Variants in LRBA observed in about 807,000 individuals in gnomAD.
The protein encoded by LRBA is LPS responsive beige-like anchor protein, also known as lipopolysaccharide-responsive and beige-like anchor protein.
LRBA carries 176 observed loss-of-function variants against 330.0 expected under a neutral mutation model. The ratio of observed to expected loss-of-function variants is 0.53; its 90% CI spans 0.47 to 0.60. The LOEUF is 0.60. Among genes scored for constraint, LRBA ranks in the 20% least tolerant of loss-of-function variants. The pLI is 0.00. For missense variants in LRBA, 3,259 were observed against 3,444.8 expected (o/e 0.95, Z 1.35); for synonymous variants, 1,230 against 1,193.0 (o/e 1.03, Z -0.64).
intron 43 of LRBA, among the ~76,000 whole-genome samples, chr4:150,470,840 T>TACACACACACACACAC (rs146604033): frequency 7.1e-6 from 1 of 140,554 alleles, no homozygotes; most frequent in African/African-American, 2.6e-5. Flanking sequence ...CCCTCATTAC[T>TACACACACACACACAC]ACACACACAC....
chr4:150,295,340 C>T (rs1351384788), intron 53 of LRBA, among the ~76,000 whole-genome samples: 1 of 151,760 alleles, frequency 6.6e-6, no homozygotes, highest in African/African-American at 2.4e-5. Flanking sequence ...GTAGCTGGGA[C>T]TACAGGCACC....
chr4:150,372,765 T>C (rs1269933385), intron 47 of LRBA, among the ~76,000 whole-genome samples: 1 of 144,448 alleles, frequency 6.9e-6, no homozygotes, highest in East Asian at 2.0e-4. Context: ...AAGTTCTTAC[T>C]AGATATTAGT....
chr4:150,771,209 G>C (rs1355007620), intron 34 of LRBA, among the ~76,000 whole-genome samples: 1 of 152,138 alleles, frequency 6.6e-6, no homozygotes, highest in African/African-American at 2.4e-5. Context: ...ATAACAAGTG[G>C]TAACACTCCC....
chr4:150,927,515 T>A (rs1015504269), intron 4 of LRBA, among the ~76,000 whole-genome samples: 73 of 151,474 alleles, frequency 4.8e-4, no homozygotes, highest in African/African-American at 1.8e-3. Flanking sequence ...CACAAAAAGA[T>A]TAAAAAAAGA....
chr4:150,586,598 C>T (rs1038620181), intron 40 of LRBA, among the ~76,000 whole-genome samples: 1 of 151,920 alleles, frequency 6.6e-6, no homozygotes, highest in Non-Finnish European at 1.5e-5. Context: ...TTCATTGAGC[C>T]AAAAGATCTC....
chr4:150,413,659 T>C (rs1250659499), intron 47 of LRBA, among the ~76,000 whole-genome samples: 2 of 152,198 alleles, frequency 1.3e-5, no homozygotes, highest in East Asian at 1.9e-4. Context: ...CCAAGGAAAC[T>C]TTTTGTACTC....
In LRBA at chr4:150,490,979, T is replaced by G. The variant is rs144748889; in HGVS notation, c.6387A>C (p.Ser2129=). ...GCAAAAGATAACGACGAGAAAAGAT[T>G]GATCGTATCTCTGTGAACAGCCATT... is the stretch of plus-strand genomic sequence containing the variant. The part of the protein sequence containing the change: ...HGKWLFTEIR[S]IFSRRYLLQN... The change falls in exon 41 of 57, where the codon TCA becomes TCC. Residue 2129 remains serine (S), a synonymous_variant. Coordinates refer to ENST00000651943, the MANE Select transcript of LRBA (RefSeq NM_001364905.1). 2.7e-4 allele frequency: 437 copies of G among 1,610,318 alleles called. No homozygotes were observed. In the African/African-American group the frequency reaches 3.3e-3, roughly 12 times the overall value.
At chr4:150,516,215 CTCTTTTTTTTTTTTTT>C (rs1762338832) in intron 40 of LRBA, among the ~76,000 whole-genome samples, 3 of 86,712 alleles carry the variant, frequency 3.5e-5, no homozygotes, top group Non-Finnish European at 4.4e-5. Flanking sequence ...ATTTTCTATT[CTCTTTTTTTTTTTTTT>C]TTTTTTTTTT....
At chr4:150,778,561 A>G (rs1428436447) in intron 34 of LRBA, among the ~76,000 whole-genome samples, 1 of 152,210 alleles carries the variant, frequency 6.6e-6, no homozygotes, top group Non-Finnish European at 1.5e-5. Context: ...ACATATCTCC[A>G]GACAATAATG....
At chr4:150,965,110 G>T (rs1307537301) in intron 2 of LRBA, among the ~76,000 whole-genome samples, 1 of 152,082 alleles carries the variant, frequency 6.6e-6, no homozygotes, top group East Asian at 1.9e-4. Flanking sequence ...TAAAACCTTT[G>T]ACCCAGCAAT....
intron 35 of LRBA, among the ~76,000 whole-genome samples, chr4:150,753,141 G>C (rs1733781337): frequency 6.6e-6 from 1 of 152,106 alleles, no homozygotes; most frequent in African/African-American, 2.4e-5. Flanking sequence ...ATTTAACACT[G>C]CAATGTCCTC....
At chr4:150,611,532 A>G (rs1349971724) in intron 37 of LRBA, among the ~76,000 whole-genome samples, 2 of 152,206 alleles carry the variant, frequency 1.3e-5, no homozygotes, top group Non-Finnish European at 2.9e-5. Flanking sequence ...AGATATAACT[A>G]TAAACAAAAA....
intron 17 of LRBA, among the ~76,000 whole-genome samples, chr4:150,883,970 A>G (rs1188425331): frequency 6.6e-6 from 1 of 152,202 alleles, no homozygotes; most frequent in Non-Finnish European, 1.5e-5. Context: ...AATAAAACCG[A>G]AAAAAATTTT....
At chr4:150,295,194 C>CTTTTTT (rs146893381) in intron 53 of LRBA, among the ~76,000 whole-genome samples, 2 of 113,826 alleles carry the variant, frequency 1.8e-5, no homozygotes, top group African/African-American at 7.0e-5. Context: ...ATTAAAATAG[C>CTTTTTT]TTTTTTTTTT....
At chr4:150,695,440 A>G (rs1303983645) in intron 36 of LRBA, among the ~76,000 whole-genome samples, 1 of 152,130 alleles carries the variant, frequency 6.6e-6, no homozygotes, top group Non-Finnish European at 1.5e-5. Context: ...CTCCCATTTC[A>G]GCCTCATGAG....
chr4:150,649,221 G>C (rs1054775315), intron 37 of LRBA, among the ~76,000 whole-genome samples: 1 of 152,102 alleles, frequency 6.6e-6, no homozygotes, highest in Non-Finnish European at 1.5e-5. Flanking sequence ...CTGAAACATA[G>C]TTCTTAAACT....
intron 2 of LRBA, among the ~76,000 whole-genome samples, chr4:150,953,693 G>A (rs987003606): frequency 2.0e-5 from 3 of 151,972 alleles, no homozygotes; most frequent in Non-Finnish European, 2.9e-5. Flanking sequence ...GAGTGCAGTG[G>A]TGTGATCTCG....
chr4:150,285,158 CAG>C (rs1433408456), intron 54 of LRBA, among the ~76,000 whole-genome samples: 1 of 152,156 alleles, frequency 6.6e-6, no homozygotes, highest in Non-Finnish European at 1.5e-5. Flanking sequence ...TTTTAGGACA[CAG>C]AGGAGCTGAT....
chr4:150,990,909 C>A (rs1741996725), intron 2 of LRBA, among the ~76,000 whole-genome samples: 2 of 152,090 alleles, frequency 1.3e-5, no homozygotes, highest in Non-Finnish European at 1.5e-5. Flanking sequence ...ATCCTAGCTA[C>A]TCAGGAGGCT....
Sources: allele counts gnomAD v4.1 joint callset (sites outside exome capture counted in the v4.1 genomes callset), GRCh38; gene constraint gnomAD v4.1.1; transcripts MANE v1.5; gene names NCBI Gene and HGNC (gene_info 2026-07-23, HGNC 2026-07-21).